The following SLC30A1 variants were observed in gnomAD, a reference collection of about 807,000 sequenced individuals.
SLC30A1 encodes proton-coupled zinc antiporter SLC30A1.
SLC30A1 carries 7 observed loss-of-function variants against 29.8 expected under a neutral mutation model. The ratio of observed to expected loss-of-function variants is 0.23; its 90% CI spans 0.13 to 0.44. SLC30A1 has a LOEUF of 0.44. SLC30A1 is among the 20% of genes least tolerant of loss of function. The probability of loss-of-function intolerance (pLI) is 1.00; values close to 1 mark genes in which losing one functional copy is unlikely to be tolerated. For synonymous variants in SLC30A1, 254 were observed against 253.5 expected, an observed-to-expected ratio of 1.00 and a Z score of -0.02; for missense variants, 446 against 647.9, an observed-to-expected ratio of 0.69 and a Z score of 3.38.
chr1:211,576,226 T>C lies in SLC30A1; in HGVS notation c.686A>G (p.Glu229Gly). ...EVQVNGNLVR[E>G]PDHMELEEDR... ...TTCTTCCAGTTCCATATGGTCAGGT[T>C]CTCTGACAAGATTTCCATTCACTTG... Residue 229 changes from glutamate to glycine, a missense_variant, in exon 2 of 2, where the codon GAA (glutamate) becomes GGA (glycine). Glu to Gly is a moderately conservative substitution (Grantham distance 98, BLOSUM62 -2). Coordinates refer to ENST00000367001, the MANE Select transcript of SLC30A1 (RefSeq NM_021194.3). The C allele has an allele frequency of 6.2e-7, 1 of 1,612,136 alleles. No homozygotes were observed. Among genetic ancestry groups the C allele is most frequent in the Non-Finnish European group, 8.5e-7 (1 of 1,179,332 alleles).
rs150353972 is a variant in SLC30A1, at chr1:211,578,146, C to T, written c.467G>A (p.Gly156Asp). ...GCGAGGCCCCTTGGGGAGGCCGTGG[C>T]CGTGGCCGTGACCCCCGTGCGAGTG... is the stretch of plus-strand genomic sequence containing the variant. ...HGHSHGGHGH[G>D]HGLPKGPRVK... The change falls in exon 1 of 2, where the codon GGC becomes GAC. Residue 156 changes from glycine to aspartate, a missense_variant. By Grantham distance (94) the Gly-to-Asp change is moderately conservative. This residue lies in a region of SLC30A1 where 159 missense variants were observed against 161.1 expected (regional missense o/e 0.99). Transcript: ENST00000367001. 2.5e-6 allele frequency: 4 copies of T among 1,607,882 alleles called. No homozygotes were observed. In the African/African-American group the frequency reaches 5.3e-5, roughly 21 times the overall value.
In SLC30A1 at chr1:211,578,626, G is replaced by C; in HGVS notation, c.-14C>G. ...CCAACACCCCATGGCTGCGGCTGCGGGGCCCGCCGAGCCCGGCCCGGAGAC... is the reference window on the plus strand; with the variant it reads ...CCAACACCCCATGGCTGCGGCTGCGCGGCCCGCCGAGCCCGGCCCGGAGAC... On this transcript the variant is annotated 5_prime_UTR_variant, in exon 1 of 2. Coordinates refer to ENST00000367001, the MANE Select transcript of SLC30A1 (RefSeq NM_021194.3). 6.5e-7 allele frequency: 1 copy of C among 1,538,298 alleles called. No individual in the cohort carries two copies. The highest frequency in any genetic ancestry group is 1.2e-5 in the South Asian group (1 of 83,678).
In SLC30A1 at chr1:211,576,118, T is replaced by C; in HGVS notation, c.794A>G (p.Asn265Ser). 2 of 1,613,942 alleles carry C rather than the reference T, an allele frequency of 1.2e-6. No individual in the cohort carries two copies. Residue 265 changes from asparagine to serine, a missense_variant, in exon 2 of 2, where the codon AAT becomes AGT. Coordinates refer to ENST00000367001, the MANE Select transcript of SLC30A1 (RefSeq NM_021194.3). The stretch of plus-strand genomic sequence containing the variant: ...CCAAGAAAAGTAAAAGACTAAGGCA[T>C]TTACTACTACAATCACTGAACCCAA... Reference protein sequence around the residue: ...DALGSVIVVVNALVFYFSWKG... With the variant: ...DALGSVIVVVSALVFYFSWKG...
At chr1:211,576,421 G>A (rs1333577749) in intron 1 of SLC30A1, 132 bp from the exon 2 acceptor site, 1 of 597,136 alleles carries the variant, frequency 1.7e-6, no homozygotes, top group Non-Finnish European at 2.8e-6. Flanking sequence ...TGTGCTCAGA[G>A]CAATTTAATA....
Position 211,573,524 on chromosome 1 carries a change from G to T in SLC30A1, c.*1864C>A, listed in dbSNP as rs987903183. 6.6e-6 allele frequency: 1 copy of T among 151,934 alleles called. No homozygotes were observed. Among genetic ancestry groups the T allele is most frequent in the African/African-American group, 2.4e-5 (1 of 41,388 alleles). The allele number at this position is 151,934 out of a possible 1,614,324, so 9.4% of individuals were successfully genotyped here. A position where few individuals can be genotyped will look rare whatever the true frequency, so the allele number is the denominator to read the frequency against. ...TGCTGAAATGTTTATGTAACAAATT[G>T]ATATCTGAATAAAATGTTCTGTAAA... On this transcript the variant is annotated 3_prime_UTR_variant, in exon 2 of 2. Coordinates refer to ENST00000367001, the MANE Select transcript of SLC30A1 (RefSeq NM_021194.3).
chr1:211,575,324 T>C lies in SLC30A1; in HGVS notation c.*64A>G. ...TACACTACTTGGCAAACTTAGAATT[T>C]CAGTGGAGTCTTTTTCCTCTTGCAG... is the stretch of plus-strand genomic sequence containing the variant. On this transcript the variant is annotated 3_prime_UTR_variant, in exon 2 of 2. Coordinates refer to ENST00000367001, the MANE Select transcript of SLC30A1 (RefSeq NM_021194.3). This position sits in a 1 kb window ranked among gnomAD's most constrained non-coding sequence, Gnocchi z 6.0. The C allele has an allele frequency of 7.2e-7, 1 of 1,393,886 alleles. No homozygotes were observed. Among genetic ancestry groups the C allele is most frequent in the Non-Finnish European group, 9.8e-7 (1 of 1,024,796 alleles). The allele number at this position is 1,393,886 out of a possible 1,614,324, so 86.3% of individuals were successfully genotyped here.
rs1002266418 is a variant in SLC30A1 at position 211,573,446 on chromosome 1, G to T, written c.*1942C>A. Reference sequence around the variant, plus strand: ...GACACAGACCTCAAGTAGAGCATTTGTAAAGAAAACCTCATTGAATGTAAT... The same window carrying T: ...GACACAGACCTCAAGTAGAGCATTTTTAAAGAAAACCTCATTGAATGTAAT... On this transcript the variant is annotated 3_prime_UTR_variant, in exon 2 of 2. Coordinates refer to ENST00000367001, the MANE Select transcript of SLC30A1 (RefSeq NM_021194.3). 6.6e-6 allele frequency: 1 copy of T among 151,998 alleles called. No individual in the cohort carries two copies. The highest frequency in any genetic ancestry group is 1.5e-5 in the Non-Finnish European group (1 of 67,884). The allele number at this position is 151,998 out of a possible 1,614,324, so 9.4% of individuals were successfully genotyped here.
In SLC30A1 at chr1:211,577,734, T is replaced by C. The variant is rs1571602315; in HGVS notation, c.622+257A>G. On this transcript the variant is annotated intron_variant, in intron 1 of 1. Coordinates refer to ENST00000367001, the MANE Select transcript of SLC30A1 (RefSeq NM_021194.3). This position sits in a 1 kb window ranked among gnomAD's most constrained non-coding sequence, Gnocchi z 4.5. ...GGGATGATGATCACCTCCTGACCCTTTTTCTTAGGGTCTGACCCACAGCCC... is the reference window on the plus strand; with the variant it reads ...GGGATGATGATCACCTCCTGACCCTCTTTCTTAGGGTCTGACCCACAGCCC... 2.0e-5 allele frequency among the ~76,000 whole-genome samples: 3 copies of C among 152,164 alleles called. No homozygotes were observed. Among genetic ancestry groups the C allele is most frequent in the African/African-American group, 7.2e-5 (3 of 41,426 alleles).
In SLC30A1 at chr1:211,577,947, C is replaced by G; in HGVS notation, c.622+44G>C. 6.2e-7 allele frequency: 1 copy of G among 1,607,644 alleles called. No homozygotes were observed. Among genetic ancestry groups the G allele is most frequent in the Non-Finnish European group, 8.5e-7 (1 of 1,177,892 alleles). ...GCCGAAGGCCAGGCGAGGCTCTGGG[C>G]ACCCCAAACCCAACCACCTGCGGCA... On this transcript the variant is annotated intron_variant, in intron 1 of 1. Transcript: ENST00000367001. This position sits in a 1 kb window ranked among gnomAD's most constrained non-coding sequence, Gnocchi z 4.5.
rs1294157753 is a variant in SLC30A1 at position 211,573,216 on chromosome 1, T to G, written c.*2172A>C. 1 of 152,066 alleles carries G rather than the reference T, an allele frequency of 6.6e-6. No homozygotes were observed. Among genetic ancestry groups the G allele is most frequent in the Non-Finnish European group, 1.5e-5 (1 of 67,910 alleles). The allele number at this position is 152,066 out of a possible 1,614,324, so 9.4% of individuals were successfully genotyped here. Reference sequence around the variant, plus strand: ...CCCACTGTTTCTGCCGACAGTCATTTGAAAAAAGAAAATCCTATGGTACCA... The same window carrying G: ...CCCACTGTTTCTGCCGACAGTCATTGGAAAAAAGAAAATCCTATGGTACCA... On this transcript the variant is annotated 3_prime_UTR_variant, in exon 2 of 2. Transcript: ENST00000367001.
Position 211,575,685 on chromosome 1 carries a change from A to C in SLC30A1, c.1227T>G (p.Asn409Lys). The change falls in exon 2 of 2, where the codon AAT becomes AAG. Residue 409 changes from asparagine (N) to lysine (K), a missense_variant. By Grantham distance (94) the Asn-to-Lys change is moderately conservative (BLOSUM62 0). Around this residue, in one of 5 missense-constraint regions of SLC30A1, gnomAD observed 187 missense variants for 312.7 expected, o/e 0.60. Coordinates refer to ENST00000367001, the MANE Select transcript of SLC30A1 (RefSeq NM_021194.3). This position sits in a 1 kb window ranked among gnomAD's most constrained non-coding sequence, Gnocchi z 6.0. ...VAKTIKDVFH[N>K]HGIHATTIQP... ...GAATGGTAGTAGCGTGAATTCCGTG[A>C]TTATGAAAAACGTCTTTAATGGTTT... is the stretch of plus-strand genomic sequence containing the variant. 1 of 1,614,236 alleles carries C rather than the reference A, an allele frequency of 6.2e-7. No individual in the cohort carries two copies.
rs1489291997 is a variant in SLC30A1, at chr1:211,574,334, C to T, written c.*1054G>A. On this transcript the variant is annotated 3_prime_UTR_variant, in exon 2 of 2. Transcript: ENST00000367001. Reference sequence around the variant, plus strand: ...ATTAATTTTGCTAAGAATTTAATATCCAAACTGCATTAACCTTCTGGTTTT... The same window carrying T: ...ATTAATTTTGCTAAGAATTTAATATTCAAACTGCATTAACCTTCTGGTTTT... 3.3e-5 allele frequency: 5 copies of T among 151,976 alleles called. No individual in the cohort carries two copies. The highest frequency in any genetic ancestry group is 7.4e-5 in the Non-Finnish European group (5 of 67,910). The allele number at this position is 151,976 out of a possible 1,614,324, so 9.4% of individuals were successfully genotyped here.
In SLC30A1 at chr1:211,578,268, C is replaced by T. The variant is rs1167535137; in HGVS notation, c.345G>A (p.Val115=). The change falls in exon 1 of 2, where the codon GTG becomes GTA. Residue 115 remains valine, a synonymous_variant. Coordinates refer to ENST00000367001, the MANE Select transcript of SLC30A1 (RefSeq NM_021194.3). ...GCCCGGCCACGCCGACCCCAAGGACCACCAGCGGCTGCTGCATCTCGTGCG... is the reference window on the plus strand; with the variant it reads ...GCCCGGCCACGCCGACCCCAAGGACTACCAGCGGCTGCTGCATCTCGTGCG... ...IEPHEMQQPL[V]VLGVGVAGLL... is the part of the protein sequence containing the mutation. 1 of 1,612,574 alleles carries T rather than the reference C, an allele frequency of 6.2e-7. No individual in the cohort carries two copies. The highest frequency in any genetic ancestry group is 1.1e-5 in the South Asian group (1 of 90,902).
Position 211,578,479 on chromosome 1 carries a change from A to T in SLC30A1, c.134T>A (p.Leu45Gln). The T allele has an allele frequency of 6.2e-7, 1 of 1,612,774 alleles. No individual in the cohort carries two copies. The highest frequency in any genetic ancestry group is 8.5e-7 in the Non-Finnish European group (1 of 1,179,606). Reference protein sequence around the residue: ...LAMLSDSFHMLSDVLALVVAL... With the variant: ...LAMLSDSFHMQSDVLALVVAL... ...CACCACCAGCGCCAGCACGTCCGAC[A>T]GCATGTGGAAGGAGTCGGAGAGCAT... The change falls in exon 1 of 2, where the codon CTG (leucine) becomes CAG (glutamine). Residue 45 changes from leucine to glutamine, a missense_variant. By Grantham distance (113) the Leu-to-Gln change is moderately radical. Transcript: ENST00000367001.
At position 211,575,750 on chromosome 1, in the gene SLC30A1, T is replaced by G. The variant is rs1267209139; in HGVS notation, c.1162A>C (p.Ile388Leu). The change falls in exon 2 of 2, where the codon ATA becomes CTA. Residue 388 changes from isoleucine to leucine, a missense_variant. Ile to Leu is a conservative substitution (Grantham distance 5, BLOSUM62 2). Transcript: ENST00000367001. The surrounding 1 kb of genome is among the most constrained non-coding windows in gnomAD (Gnocchi z 6.0). ...AGSRIIATAH[I>L]KCEDPTSYME... ...TATGATGTTGGATCTTCACATTTTA[T>G]GTGAGCAGTGGCAATGATTCTGCTT... is the stretch of plus-strand genomic sequence containing the variant. The G allele has an allele frequency of 6.2e-7, 1 of 1,614,182 alleles. No homozygotes were observed. The highest frequency in any genetic ancestry group is 8.5e-7 in the Non-Finnish European group (1 of 1,180,022).
In SLC30A1 at chr1:211,578,769, C is replaced by G. The variant is rs1417971718; in HGVS notation, c.-157G>C. ...GCCCCCGCGGCCGCACGGGGACAAG[C>G]CCGGGTCAAGCCGCCGAGCCCCGCG... is the stretch of plus-strand genomic sequence containing the variant. On this transcript the variant is annotated 5_prime_UTR_variant, in exon 1 of 2. Transcript: ENST00000367001. The G allele has an allele frequency of 6.5e-6, 4 of 613,164 alleles. No homozygotes were observed. Among genetic ancestry groups the G allele is most frequent in the African/African-American group, 1.9e-5 (1 of 51,684 alleles). The allele number at this position is 613,164 out of a possible 1,614,324, so 38.0% of individuals were successfully genotyped here. A position where few individuals can be genotyped will look rare whatever the true frequency, so the allele number is the denominator to read the frequency against.
At position 211,577,683 on chromosome 1, in the gene SLC30A1, A is replaced by G. The variant is rs2278652; in HGVS notation, c.622+308T>C. 0.16 allele frequency among the ~76,000 whole-genome samples: 23,785 copies of G among 152,288 alleles called. 2,047 individuals carry two copies. Among genetic ancestry groups the G allele is most frequent in the African/African-American group, 0.22 (9,266 of 41,538 alleles). On this transcript the variant is annotated intron_variant, in intron 1 of 1. Coordinates refer to ENST00000367001, the MANE Select transcript of SLC30A1 (RefSeq NM_021194.3). The surrounding 1 kb of genome is among the most constrained non-coding windows in gnomAD (Gnocchi z 4.5). ...CAAAGTTGCTGCAGCCTGTAAAGACAGCCAAGTGCGGGTGTGGACTGCAGC... is the reference window on the plus strand; with the variant it reads ...CAAAGTTGCTGCAGCCTGTAAAGACGGCCAAGTGCGGGTGTGGACTGCAGC...
chr1:211,578,459 C>A lies in SLC30A1; in HGVS notation c.154G>T (p.Val52Leu), dbSNP rs751054653. ...FHMLSDVLALVVALVAERFAR... is the reference protein window; with the variant it reads ...FHMLSDVLALLVALVAERFAR... Reference sequence around the variant, plus strand: ...AAGCGCTCGGCCACCAGCGCCACCACCAGCGCCAGCACGTCCGACAGCATG... The same window carrying A: ...AAGCGCTCGGCCACCAGCGCCACCAACAGCGCCAGCACGTCCGACAGCATG... The change falls in exon 1 of 2, where the codon GTG (valine) becomes TTG (leucine). Residue 52 changes from valine (V) to leucine (L), a missense_variant. This residue lies in a region of SLC30A1 where 62 missense variants were observed against 91.5 expected (regional missense o/e 0.68). Coordinates refer to ENST00000367001, the MANE Select transcript of SLC30A1 (RefSeq NM_021194.3). 3 of 1,612,708 alleles carry A rather than the reference C, an allele frequency of 1.9e-6. No individual in the cohort carries two copies. The South Asian group carries it at 3.3e-5, about 18-fold the overall frequency.
Position 211,578,557 on chromosome 1 carries a change from A to G in SLC30A1, c.56T>C (p.Phe19Ser). ...CACCACCTCCAGCACCATGAACATG[A>G]AGGTCAGCGCCAGCATGCACAGCAG... Reference protein sequence around the residue: ...GRLLCMLALTFMFMVLEVVVS... With the variant: ...GRLLCMLALTSMFMVLEVVVS... The change falls in exon 1 of 2, where the codon TTC becomes TCC. Residue 19 changes from phenylalanine to serine, a missense_variant. Coordinates refer to ENST00000367001, the MANE Select transcript of SLC30A1 (RefSeq NM_021194.3). 1 of 1,609,972 alleles carries G rather than the reference A, an allele frequency of 6.2e-7. No homozygotes were observed. Among genetic ancestry groups the G allele is most frequent in the African/African-American group, 1.3e-5 (1 of 75,008 alleles).
Sources: gnomAD v4.1 joint callset for allele counts (sites outside exome capture counted in the v4.1 genomes callset) on GRCh38, gnomAD v4.1.1 for gene constraint, gnomAD v4.1.1 regional missense constraint, Gnocchi (gnomAD v3.1) non-coding constraint, MANE v1.5 for transcripts, NCBI Gene and HGNC (gene_info 2026-07-23, HGNC 2026-07-21) for gene names.